The following ARNT2 variants were observed in gnomAD, a reference collection of about 807,000 sequenced individuals.
ARNT2 encodes the protein ARNT protein 2.
In ARNT2, 36 loss-of-function variants were observed where a neutral mutation model predicts 91.7. That is an observed-to-expected ratio of 0.39 (90% CI 0.30 to 0.52). The LOEUF (loss-of-function observed/expected upper bound fraction) is 0.52, where lower values mean the gene tolerates loss of function less well. Among genes scored for constraint, ARNT2 ranks in the 20% least tolerant of loss-of-function variants. ARNT2 has a pLI of 0.72. For synonymous variants in ARNT2, 365 were observed against 347.1 expected (o/e 1.05, Z -0.57); for missense variants, 775 against 939.3 (o/e 0.83, Z 2.29).
intron 17 of ARNT2, among the ~76,000 whole-genome samples, chr15:80,584,772 G>A (rs921018927): frequency 2.5e-4 from 38 of 152,210 alleles, no homozygotes; most frequent in African/African-American, 7.2e-4. Flanking sequence ...AGCACCCCAC[G>A]GTACCTGGCC....
chr15:80,488,349 C>T (rs976272647), intron 5 of ARNT2, among the ~76,000 whole-genome samples: 3 of 152,196 alleles, frequency 2.0e-5, no homozygotes, highest in Non-Finnish European at 2.9e-5. Flanking sequence ...CCATGTAACA[C>T]TGGTGTGCTT....
chr15:80,471,140 A>G (rs777934519), intron 4 of ARNT2, among the ~76,000 whole-genome samples: 1 of 152,264 alleles, frequency 6.6e-6, no homozygotes, highest in African/African-American at 2.4e-5. Flanking sequence ...ATGTTCATCA[A>G]TGACAGATTG....
chr15:80,486,213 C>T (rs1186278217), intron 5 of ARNT2, among the ~76,000 whole-genome samples: 2 of 152,190 alleles, frequency 1.3e-5, no homozygotes, highest in African/African-American at 4.8e-5. Context: ...TGGATTAGGG[C>T]CCACCTTAAT....
intron 3 of ARNT2, among the ~76,000 whole-genome samples, chr15:80,467,638 C>T (rs547399959): frequency 6.6e-6 from 1 of 152,332 alleles, no homozygotes; most frequent in East Asian, 1.9e-4. Context: ...CGCCCATCAG[C>T]GGCCAGGGTG....
chr15:80,407,893 AT>A (rs1895623173), intron 1 of ARNT2, among the ~76,000 whole-genome samples: 1 of 152,218 alleles, frequency 6.6e-6, no homozygotes, highest in South Asian at 2.1e-4. Context: ...ATCTTTTGTA[AT>A]TTAAGCATGA....
chr15:80,430,570 A>T (rs957547505), intron 1 of ARNT2, among the ~76,000 whole-genome samples: 3 of 152,176 alleles, frequency 2.0e-5, no homozygotes, highest in African/African-American at 4.8e-5. Context: ...TCCAGTCTCA[A>T]CGGGAGCTGC....
At chr15:80,421,234 T>C (rs571784060) in intron 1 of ARNT2, among the ~76,000 whole-genome samples, 1 of 152,230 alleles carries the variant, frequency 6.6e-6, no homozygotes, top group African/African-American at 2.4e-5. Flanking sequence ...GGTAGTATAA[T>C]GGACATTGGA....
intron 18 of ARNT2, among the ~76,000 whole-genome samples, chr15:80,593,289 C>A (rs1893313888): frequency 6.6e-6 from 1 of 152,236 alleles, no homozygotes; most frequent in Admixed American, 6.5e-5. Context: ...TTGCTTGGGG[C>A]CAGCCTGGGG....
At chr15:80,526,903 C>G (rs1897648510) in intron 8 of ARNT2, among the ~76,000 whole-genome samples, 1 of 152,158 alleles carries the variant, frequency 6.6e-6, no homozygotes, top group Non-Finnish European at 1.5e-5. Context: ...TGGAAATTTC[C>G]AAAAGCTGCT....
intron 12 of ARNT2, among the ~76,000 whole-genome samples, chr15:80,568,549 C>A (rs952307694): frequency 6.6e-6 from 1 of 152,186 alleles, no homozygotes. Flanking sequence ...TAGCAGTGGC[C>A]ACCTGGTTGG....
chr15:80,469,918 G>A (rs1896709559), intron 3 of ARNT2, among the ~76,000 whole-genome samples: 2 of 152,116 alleles, frequency 1.3e-5, no homozygotes, highest in South Asian at 2.1e-4. Context: ...CCCAGCCCTC[G>A]TGTCTCAATT....
chr15:80,540,888 G>C (rs1396950136), intron 8 of ARNT2, among the ~76,000 whole-genome samples: 1 of 151,854 alleles, frequency 6.6e-6, no homozygotes, highest in African/African-American at 2.4e-5. Flanking sequence ...TTCTTTATCT[G>C]GTCCACTCTA....
chr15:80,408,353 G>A (rs768134590), intron 1 of ARNT2, among the ~76,000 whole-genome samples: 7 of 152,202 alleles, frequency 4.6e-5, no homozygotes, highest in African/African-American at 9.6e-5. Context: ...TGAAATGAAC[G>A]TTGACTAGGC....
At chr15:80,531,163 A>C (rs1444922895) in intron 8 of ARNT2, among the ~76,000 whole-genome samples, 2 of 152,188 alleles carry the variant, frequency 1.3e-5, no homozygotes, top group Non-Finnish European at 2.9e-5. Context: ...GTTTCAATTC[A>C]CATGTGACAA....
chr15:80,476,272 C>T (rs971593698), intron 5 of ARNT2, among the ~76,000 whole-genome samples: 14 of 152,036 alleles, frequency 9.2e-5, no homozygotes, highest in African/African-American at 3.4e-4. Context: ...AATAACACAC[C>T]GTGGGCCGAG....
rs373976368 is a variant in ARNT2, at chr15:80,553,872, T to G, written c.1089+1098T>G. 2.6e-5 allele frequency among the ~76,000 whole-genome samples: 4 copies of G among 152,216 alleles called. 1 individual carries two copies. Among genetic ancestry groups the G allele is most frequent in the East Asian group, 1.9e-4 (1 of 5,204 alleles). ...AGGACTCTGCATATAATTCTGCATC[T>G]CTAGATTCATATAAACCTCGAGATT... On this transcript the variant is annotated intron_variant, in intron 10 of 18. Transcript: ENST00000303329.
At chr15:80,508,370 C>A in intron 6 of ARNT2, 112 bp downstream of exon 6, 1 of 961,638 alleles carries the variant, frequency 1.0e-6, no homozygotes, top group Non-Finnish European at 1.6e-6. Flanking sequence ...CGTGGGTTCA[C>A]TCCAGGGACT....
intron 5 of ARNT2, among the ~76,000 whole-genome samples, chr15:80,498,016 G>A (rs1183976581): frequency 6.6e-6 from 1 of 152,168 alleles, no homozygotes. Flanking sequence ...TGGTGGCCCT[G>A]GTGAAGTTCA....
chr15:80,457,301 A>C (rs964482519), intron 2 of ARNT2, among the ~76,000 whole-genome samples: 1 of 152,214 alleles, frequency 6.6e-6, no homozygotes, highest in African/African-American at 2.4e-5. Flanking sequence ...CTTGAGCCCC[A>C]AACAGCCATT....
Sources: allele counts gnomAD v4.1 joint callset (sites outside exome capture counted in the v4.1 genomes callset), GRCh38; gene constraint gnomAD v4.1.1; transcripts MANE v1.5; gene names NCBI Gene and HGNC (gene_info 2026-07-23, HGNC 2026-07-21).